The following IL1F10 variants were observed in gnomAD, a reference collection of about 807,000 sequenced individuals.
IL1F10 encodes interleukin 1 family member 10.
IL1F10 carries 13 observed loss-of-function variants against 13.1 expected under a neutral mutation model. The ratio of observed to expected loss-of-function variants is 0.99; its 90% CI spans 0.64 to 1.57. The LOEUF (loss-of-function observed/expected upper bound fraction) is 1.57. Ranked by LOEUF, IL1F10 falls within the 40% of genes most tolerant of loss-of-function variation. The probability of loss-of-function intolerance (pLI) is 0.00; values close to 1 mark genes in which losing one functional copy is unlikely to be tolerated. For synonymous variants in IL1F10, 78 were observed against 68.2 expected, an observed-to-expected ratio of 1.14 and a Z score of -0.71; for missense variants, 191 against 184.1, an observed-to-expected ratio of 1.04 and a Z score of -0.22.
chr2:113,074,173 C>A (rs1247612051), intron 2 of IL1F10, among the ~76,000 whole-genome samples, 156 bp from the exon 3 acceptor site: 3 of 152,194 alleles, frequency 2.0e-5, no homozygotes, highest in Non-Finnish European at 2.9e-5. Context: ...TGGTCTTTAC[C>A]TGCTCTTGGG....
chr2:113,072,160 C>T (rs1383819149), intron 1 of IL1F10, among the ~76,000 whole-genome samples: 1 of 152,212 alleles, frequency 6.6e-6, no homozygotes, highest in Non-Finnish European at 1.5e-5. Context: ...CTTCTAGTCA[C>T]TAGGAATGAT....
intron 1 of IL1F10, among the ~76,000 whole-genome samples, chr2:113,070,661 G>A (rs1180039913): frequency 6.6e-6 from 1 of 152,164 alleles, no homozygotes; most frequent in African/African-American, 2.4e-5. Flanking sequence ...TCTGTACTGG[G>A]GGATTGTCTA....
At position 113,072,751 on chromosome 2, in the gene IL1F10, C is replaced by A. The variant is rs1373904199; in HGVS notation, c.13C>A (p.Pro5Thr). Residue 5 changes from proline (P) to threonine (T), a missense_variant, in exon 2 of 5, where the codon CCC (proline) becomes ACC (threonine). By Grantham distance (38) the Pro-to-Thr change is conservative. Transcript: ENST00000341010. The part of the protein sequence containing the change: MCSL[P>T]MARYYIIKYA... ...ACTGATTGCAGGAATGTGTTCCCTC[C>A]CCATGGCAAGATACTACATGTAAGT... The A allele has an allele frequency of 2.5e-6, 4 of 1,613,294 alleles. No individual in the cohort carries two copies. The highest frequency in any genetic ancestry group is 3.4e-6 in the Non-Finnish European group (4 of 1,179,652).
At chr2:113,070,704 A>G (rs1219752378) in intron 1 of IL1F10, among the ~76,000 whole-genome samples, 1 of 152,198 alleles carries the variant, frequency 6.6e-6, no homozygotes, top group Non-Finnish European at 1.5e-5. Flanking sequence ...GGCCAGGAGG[A>G]ACCAGCAGCA....
chr2:113,072,403 ATTG>A (rs1318191552), intron 1 of IL1F10: 19 of 259,852 alleles, frequency 7.3e-5, no homozygotes, highest in Non-Finnish European at 1.0e-4. Flanking sequence ...AGGGCTGGGA[ATTG>A]TTGTGGCTCA....
chr2:113,073,116 G>A (rs1392293609), intron 2 of IL1F10, among the ~76,000 whole-genome samples: 1 of 152,210 alleles, frequency 6.6e-6, no homozygotes, highest in Non-Finnish European at 1.5e-5. Context: ...CCTCTGTGCT[G>A]CTCCATCCGC....
At chr2:113,073,444 AG>A (rs1178451863) in intron 2 of IL1F10, among the ~76,000 whole-genome samples, 2 of 152,190 alleles carry the variant, frequency 1.3e-5, no homozygotes, top group Admixed American at 1.3e-4. Context: ...AGGAGGTGAC[AG>A]CCTGGCTGGG....
intron 1 of IL1F10, among the ~76,000 whole-genome samples, chr2:113,068,829 T>G (rs557807884): frequency 7.2e-5 from 11 of 152,194 alleles, no homozygotes; most frequent in African/African-American, 2.6e-4. Context: ...GAGTTCAGAG[T>G]AGAGTTACAA....
In IL1F10 at chr2:113,074,729, T is replaced by C. The variant is rs201050906; in HGVS notation, c.125T>C (p.Ile42Thr). Residue 42 changes from isoleucine (I) to threonine (T), a missense_variant, in exon 4 of 5, where the codon ATC becomes ACC. Transcript: ENST00000341010. ...TCTCTCTCTTCCCTCCTAGAGAAGA[T>C]CTGCATACTTCCTAACAGAGGCTTG... is the stretch of plus-strand genomic sequence containing the variant. Reference protein sequence around the residue: ...PVADNCCAEKICILPNRGLAR... With the variant: ...PVADNCCAEKTCILPNRGLAR... 1.4e-5 allele frequency: 22 copies of C among 1,613,570 alleles called. No homozygotes were observed. The highest frequency in any genetic ancestry group is 3.3e-5 in the Admixed American group (2 of 60,018).
chr2:113,072,791 C>A, intron 2 of IL1F10, 21 bp downstream of exon 2: 1 of 1,608,894 alleles, frequency 6.2e-7, no homozygotes. Flanking sequence ...CTGGCATGTC[C>A]CTGCTTTCCA....
chr2:113,075,229 C>T lies in IL1F10; in HGVS notation c.324C>T (p.Ser108=), dbSNP rs375615196. 26 of 1,613,988 alleles carry T rather than the reference C, an allele frequency of 1.6e-5. No individual in the cohort carries two copies. Among genetic ancestry groups the T allele is most frequent in the East Asian group, 2.2e-5 (1 of 44,864 alleles). Residue 108 remains serine, a synonymous_variant, in exon 5 of 5, where the codon TCC becomes TCT. Transcript: ENST00000341010. ...CCTTCTTCCAGAGCAGCTCAGGCTCCGCCTTCAGGCTTGAGGCTGCTGCCT... is the reference window on the plus strand; with the variant it reads ...CCTTCTTCCAGAGCAGCTCAGGCTCTGCCTTCAGGCTTGAGGCTGCTGCCT... ...RFTFFQSSSG[S]AFRLEAAAWP... is the part of the protein sequence containing the mutation.
At chr2:113,069,611 T>A (rs1296826135) in intron 1 of IL1F10, among the ~76,000 whole-genome samples, 1 of 152,132 alleles carries the variant, frequency 6.6e-6, no homozygotes, top group Non-Finnish European at 1.5e-5. Flanking sequence ...ATATATTTGG[T>A]TGGATATCAG....
At chr2:113,070,611 T>C (rs1370194544) in intron 1 of IL1F10, among the ~76,000 whole-genome samples, 1 of 152,168 alleles carries the variant, frequency 6.6e-6, no homozygotes, top group African/African-American at 2.4e-5. Flanking sequence ...GAGCCCATCA[T>C]CAAGTGGGCT....
chr2:113,074,791 G>A lies in IL1F10; in HGVS notation c.187G>A (p.Gly63Arg), dbSNP rs1182094980. 3 of 1,613,688 alleles carry A rather than the reference G, an allele frequency of 1.9e-6. No individual in the cohort carries two copies. Among genetic ancestry groups the A allele is most frequent in the Non-Finnish European group, 1.7e-6 (2 of 1,180,010 alleles). The change falls in exon 4 of 5, where the codon GGA becomes AGA. Residue 63 changes from glycine (G) to arginine (R), a missense_variant. Coordinates refer to ENST00000341010, the MANE Select transcript of IL1F10 (RefSeq NM_173161.3). Reference protein sequence around the residue: ...TKVPIFLGIQGGSRCLACVET... With the variant: ...TKVPIFLGIQRGSRCLACVET... Reference sequence around the variant, plus strand: ...GGTCCCCATTTTCCTGGGGATCCAGGGAGGGAGCCGCTGCCTGGCATGTGT... The same window carrying A: ...GGTCCCCATTTTCCTGGGGATCCAGAGAGGGAGCCGCTGCCTGGCATGTGT...
At chr2:113,072,855 C>A in intron 2 of IL1F10, 85 bp downstream of exon 2, 1 of 1,179,590 alleles carries the variant, frequency 8.5e-7, no homozygotes, top group Non-Finnish European at 1.2e-6. Flanking sequence ...GAGGATGAGG[C>A]TCCTTCTCAC....
intron 1 of IL1F10, among the ~76,000 whole-genome samples, chr2:113,069,193 G>A (rs895517448): frequency 1.3e-5 from 2 of 152,168 alleles, no homozygotes; most frequent in African/African-American, 4.8e-5. Flanking sequence ...GCCAGGAGGT[G>A]TGGTTTAGTG....
chr2:113,075,067 C>T, intron 4 of IL1F10, 85 bp from the exon 5 acceptor site: 1 of 1,365,250 alleles, frequency 7.3e-7, no homozygotes, highest in Non-Finnish European at 1.0e-6. Flanking sequence ...CTGTCAGGTC[C>T]TTTTTTGGCC....
intron 1 of IL1F10, chr2:113,072,379 T>G (rs568209302): frequency 4.6e-6 from 1 of 216,908 alleles, no homozygotes; most frequent in African/African-American, 2.4e-5. Context: ...TACAGCACAC[T>G]CCACCCCACT....
chr2:113,075,007 C>A, intron 4 of IL1F10, 145 bp from the exon 5 acceptor site: 1 of 1,219,334 alleles, frequency 8.2e-7, no homozygotes, highest in South Asian at 1.4e-5. Context: ...GCACCAAGAC[C>A]CTTGCCCTCT....
Sources: allele counts gnomAD v4.1 joint callset (sites outside exome capture counted in the v4.1 genomes callset), GRCh38; gene constraint gnomAD v4.1.1; transcripts MANE v1.5; gene names NCBI Gene and HGNC (gene_info 2026-07-23, HGNC 2026-07-21).